SNX8: variants seen among roughly 807,000 people sequenced by gnomAD.
SNX8 encodes the protein sorting nexin-8.
Under a neutral mutation model 51.6 loss-of-function variants are expected in SNX8, and 25 were observed. That is an observed-to-expected ratio of 0.48 (90% CI 0.35 to 0.68). The LOEUF (loss-of-function observed/expected upper bound fraction) is 0.68. Ranked by LOEUF, SNX8 falls within the 30% of genes least tolerant of loss-of-function variation. SNX8 has a pLI of 0.00. For missense variants in SNX8, 695 were observed against 624.0 expected, an observed-to-expected ratio of 1.11 and a Z score of -1.21; for synonymous variants, 324 against 277.0, an observed-to-expected ratio of 1.17 and a Z score of -1.68.
At position 2,257,441 on chromosome 7, in the gene SNX8, T is replaced by G. The variant is rs1795216330; in HGVS notation, c.1058A>C (p.Lys353Thr). 4 of 1,610,342 alleles carry G rather than the reference T, an allele frequency of 2.5e-6. No homozygotes were observed. Among genetic ancestry groups the G allele is most frequent in the Middle Eastern group, 3.4e-4 (2 of 5,798 alleles). ...CGCGGTGGCGCTCATCATCTGCCTC[T>G]TCATCAGGCTGTACTTGTGCAGGGC... is the stretch of plus-strand genomic sequence containing the variant. ...QRALHKYSLM[K>T]RQMMSATAQN... Residue 353 changes from lysine to threonine, a missense_variant, in exon 9 of 11, where the codon AAG becomes ACG. Physicochemically the swap from Lys to Thr is moderately conservative, Grantham distance 78. Coordinates refer to ENST00000222990, the MANE Select transcript of SNX8 (RefSeq NM_013321.4).
chr7:2,264,159 G>T, intron 6 of SNX8, 139 bp downstream of exon 6: 1 of 768,252 alleles, frequency 1.3e-6, no homozygotes, highest in Non-Finnish European at 2.0e-6. Flanking sequence ...ATGTGCCTGA[G>T]CCACTTTCTG....
chr7:2,271,022 G>A (rs1176204161), intron 4 of SNX8, among the ~76,000 whole-genome samples: 1 of 152,226 alleles, frequency 6.6e-6, no homozygotes, highest in African/African-American at 2.4e-5. Context: ...CCTCCTCCAG[G>A]AAACAGGAGC....
intron 1 of SNX8, among the ~76,000 whole-genome samples, chr7:2,304,921 A>G (rs1483176316): frequency 6.6e-6 from 1 of 152,194 alleles, no homozygotes; most frequent in Middle Eastern, 3.2e-3. Context: ...TCGGTCCTGA[A>G]GATAATGAAC....
chr7:2,350,031 C>A (rs1272658832), intron 1 of SNX8, among the ~76,000 whole-genome samples: 1 of 152,178 alleles, frequency 6.6e-6, no homozygotes, highest in African/African-American at 2.4e-5. Flanking sequence ...TGGATCTCTA[C>A]CACCCGGTTC....
intron 1 of SNX8, among the ~76,000 whole-genome samples, chr7:2,298,894 T>C (rs1796331712): frequency 6.6e-6 from 1 of 152,190 alleles, no homozygotes; most frequent in Non-Finnish European, 1.5e-5. Flanking sequence ...GGTTTCGCCA[T>C]GATGGCCAGG....
chr7:2,325,714 T>C (rs1199194541), intron 1 of SNX8, among the ~76,000 whole-genome samples: 22 of 152,104 alleles, frequency 1.4e-4, no homozygotes. Flanking sequence ...GCGCCTGTAG[T>C]CCCAGCTACT....
chr7:2,265,929 T>C (rs922541523), intron 5 of SNX8, among the ~76,000 whole-genome samples: 42 of 152,138 alleles, frequency 2.8e-4, no homozygotes, highest in African/African-American at 9.6e-4. Context: ...CTGGGCAACA[T>C]AGTGAGACTT....
Position 2,253,971 on chromosome 7 carries a change from T to C in SNX8, c.*1085A>G, listed in dbSNP as rs186859236. 1,826 of 152,410 alleles carry C rather than the reference T, an allele frequency of 0.012. 12 individuals carry two copies. The highest frequency in any genetic ancestry group is 0.023 in the Admixed American group (358 of 15,294). The allele number at this position is 152,410 out of a possible 1,614,324, so 9.4% of individuals were successfully genotyped here. Reference sequence around the variant, plus strand: ...AGTGCAGGGGTCCACTGGGCTCCCATGTACCTTCCACAAAAGGGGTTCGGG... The same window carrying C: ...AGTGCAGGGGTCCACTGGGCTCCCACGTACCTTCCACAAAAGGGGTTCGGG... On this transcript the variant is annotated 3_prime_UTR_variant, in exon 11 of 11. Transcript: ENST00000222990.
intron 1 of SNX8, among the ~76,000 whole-genome samples, chr7:2,295,482 A>C (rs1796252291): frequency 6.6e-6 from 1 of 150,692 alleles, no homozygotes; most frequent in Admixed American, 6.6e-5. Flanking sequence ...AGGCAGGTGG[A>C]TCACCTGAGA....
intron 1 of SNX8, among the ~76,000 whole-genome samples, chr7:2,304,334 G>A (rs1029209161): frequency 1.3e-5 from 2 of 151,670 alleles, no homozygotes; most frequent in South Asian, 2.1e-4. Context: ...CACGAGGTCA[G>A]GAGATAGAGA....
intron 1 of SNX8, among the ~76,000 whole-genome samples, chr7:2,284,165 G>A (rs1795969339): frequency 6.6e-6 from 1 of 151,848 alleles, no homozygotes; most frequent in Admixed American, 6.6e-5. Context: ...CCTGACCTCA[G>A]GTGATCCACC....
At chr7:2,339,058 C>T (rs980671235) in intron 1 of SNX8, among the ~76,000 whole-genome samples, 1 of 152,056 alleles carries the variant, frequency 6.6e-6, no homozygotes, top group Admixed American at 6.6e-5. Context: ...ACCATAGGCA[C>T]AAGTCACCAC....
intron 1 of SNX8, among the ~76,000 whole-genome samples, chr7:2,332,740 AG>A (rs1778758463): frequency 1.9e-4 from 24 of 126,632 alleles, no homozygotes; most frequent in South Asian, 5.6e-4. Flanking sequence ...AGAGAGAGAG[AG>A]AAAAGGAAGG....
intron 1 of SNX8, among the ~76,000 whole-genome samples, chr7:2,339,151 A>G (rs12699846): frequency 0.52 from 79,228 of 151,982 alleles, 20,856 homozygotes; most frequent in East Asian, 0.78. Flanking sequence ...CAAACCTCTC[A>G]TCTCAGCCTC....
intron 1 of SNX8, among the ~76,000 whole-genome samples, chr7:2,346,759 A>AC (rs1779037198): frequency 6.7e-6 from 1 of 149,374 alleles, no homozygotes; most frequent in Non-Finnish European, 1.5e-5. Flanking sequence ...AAAAAAAAAA[A>AC]ACAGAAAAAA....
intron 1 of SNX8, among the ~76,000 whole-genome samples, chr7:2,344,749 C>T (rs1384469821): frequency 6.6e-6 from 1 of 151,982 alleles, no homozygotes; most frequent in Non-Finnish European, 1.5e-5. Context: ...GATGAAACCG[C>T]ATCTATACCA....
intron 7 of SNX8, among the ~76,000 whole-genome samples, chr7:2,259,034 G>C (rs1394352526): frequency 1.3e-5 from 2 of 152,298 alleles, no homozygotes; most frequent in South Asian, 4.1e-4. Context: ...GCGCAGGCCA[G>C]GCACAGTGCA....
chr7:2,257,111 G>A, intron 9 of SNX8, 88 bp from the exon 10 acceptor site: 1 of 1,428,506 alleles, frequency 7.0e-7, no homozygotes, highest in Non-Finnish European at 9.3e-7. Context: ...CCTGAGCCAG[G>A]GCGGCCCCTT....
chr7:2,276,401 G>A (rs1206159337), intron 2 of SNX8, among the ~76,000 whole-genome samples: 4 of 152,168 alleles, frequency 2.6e-5, no homozygotes, highest in South Asian at 2.1e-4. Flanking sequence ...CCTCTGACCC[G>A]CTTTGTCCTT....
Sources: allele counts gnomAD v4.1 joint callset (sites outside exome capture counted in the v4.1 genomes callset), GRCh38; gene constraint gnomAD v4.1.1; transcripts MANE v1.5; gene names NCBI Gene and HGNC (gene_info 2026-07-23, HGNC 2026-07-21).